The following ZNF521 variants were observed in gnomAD, a reference collection of about 807,000 sequenced individuals.
ZNF521 encodes zinc finger protein 521, also known as LYST-interacting protein 3.
A neutral mutation model predicts 105.5 loss-of-function variants in ZNF521; 14 were observed. That is an observed-to-expected ratio of 0.13 (90% CI 0.09 to 0.21). The LOEUF (loss-of-function observed/expected upper bound fraction) is 0.21, where lower values mean the gene tolerates loss of function less well. ZNF521 is among the 10% of genes least tolerant of loss of function. The pLI, the probability that ZNF521 is intolerant of heterozygous loss-of-function variation, is 1.00. For missense variants in ZNF521, 1,233 were observed against 1,629.7 expected (o/e 0.76, Z 4.19); for synonymous variants, 635 against 606.0 (o/e 1.05, Z -0.70).
intron 5 of ZNF521, among the ~76,000 whole-genome samples, chr18:25,094,224 T>C (rs2033807228): frequency 6.6e-6 from 1 of 152,174 alleles, no homozygotes; most frequent in African/African-American, 2.4e-5. Flanking sequence ...CATTAGGATG[T>C]TCTGTAATGT....
At chr18:25,064,356 G>A (rs987007744) in intron 7 of ZNF521, among the ~76,000 whole-genome samples, 4 of 152,252 alleles carry the variant, frequency 2.6e-5, no homozygotes, top group African/African-American at 9.6e-5. Flanking sequence ...GGAGACATGA[G>A]CAGAGAGTAC....
chr18:25,128,134 T>C (rs936376566), intron 5 of ZNF521, among the ~76,000 whole-genome samples: 5 of 151,846 alleles, frequency 3.3e-5, no homozygotes, highest in African/African-American at 4.8e-5. Flanking sequence ...TATGACCCAG[T>C]GGGATTCTTC....
intron 3 of ZNF521, among the ~76,000 whole-genome samples, chr18:25,311,383 T>TAAAAAAAA (rs34665703): frequency 7.3e-6 from 1 of 137,522 alleles, no homozygotes. Context: ...AGCAAAAATG[T>TAAAAAAAA]AAAAAAAAAA....
At chr18:25,351,025 G>C (rs1269146471) in intron 1 of ZNF521, 78 bp from the exon 2 acceptor site, 7 of 1,225,946 alleles carry the variant, frequency 5.7e-6, no homozygotes, top group African/African-American at 1.6e-5. Flanking sequence ...CGCCCCTCGG[G>C]CCGCGGCGCC....
At chr18:25,273,923 A>G (rs1909858160) in intron 3 of ZNF521, among the ~76,000 whole-genome samples, 1 of 152,180 alleles carries the variant, frequency 6.6e-6, no homozygotes, top group South Asian at 2.1e-4. Context: ...AGAACCACAG[A>G]ACTTCAGGGT....
At chr18:25,275,708 T>C (rs1307552129) in intron 3 of ZNF521, among the ~76,000 whole-genome samples, 1 of 152,182 alleles carries the variant, frequency 6.6e-6, no homozygotes, top group Non-Finnish European at 1.5e-5. Context: ...TGGGCTTTCC[T>C]GCCAAACAAA....
rs1912063576 is a variant in ZNF521 at position 25,307,793 on chromosome 18, AG to A, written c.220+14214del. 2.0e-5 allele frequency among the ~76,000 whole-genome samples: 3 copies of A among 152,178 alleles called. No individual in the cohort carries two copies. In the South Asian group the frequency reaches 6.2e-4, roughly 32 times the overall value. Reference sequence around the variant, plus strand: ...CTGTCTGTCTGTCTGTCTCTCTCAGAGTACTTATTCTGAGAAAAGCCAATTA... The same window carrying A: ...CTGTCTGTCTGTCTGTCTCTCTCAGATACTTATTCTGAGAAAAGCCAATTA... On this transcript the variant is annotated intron_variant, in intron 3 of 7. Transcript: ENST00000361524.
At chr18:25,270,509 T>C (rs1005860969) in intron 3 of ZNF521, among the ~76,000 whole-genome samples, 1 of 152,182 alleles carries the variant, frequency 6.6e-6, no homozygotes, top group Non-Finnish European at 1.5e-5. Context: ...CTGATGAACA[T>C]TGATGCAAAA....
At chr18:25,144,267 G>T (rs2034903268) in intron 5 of ZNF521, among the ~76,000 whole-genome samples, 1 of 152,076 alleles carries the variant, frequency 6.6e-6, no homozygotes, top group Non-Finnish European at 1.5e-5. Flanking sequence ...AAGACATTTT[G>T]CATAATGCTT....
intron 7 of ZNF521, 24 bp downstream of exon 7, chr18:25,089,441 C>T (rs1371880534): frequency 1.9e-6 from 3 of 1,541,452 alleles, no homozygotes; most frequent in Middle Eastern, 1.7e-4. Flanking sequence ...AGTTCAATCC[C>T]AGTCCTCCCC....
chr18:25,287,501 G>T (rs1005245878), intron 3 of ZNF521, among the ~76,000 whole-genome samples: 1 of 151,850 alleles, frequency 6.6e-6, no homozygotes, highest in Non-Finnish European at 1.5e-5. Context: ...ATTGATCCCG[G>T]TGTGACAAAT....
chr18:25,167,942 G>A (rs769934016), intron 5 of ZNF521, among the ~76,000 whole-genome samples: 4 of 152,186 alleles, frequency 2.6e-5, no homozygotes, highest in Non-Finnish European at 5.9e-5. Context: ...TATGTACAAG[G>A]ATGAAAAGGT....
At chr18:25,285,154 T>C (rs1393130771) in intron 3 of ZNF521, among the ~76,000 whole-genome samples, 2 of 152,198 alleles carry the variant, frequency 1.3e-5, no homozygotes, top group African/African-American at 4.8e-5. Flanking sequence ...TATTCTCTTC[T>C]TCCTGGTGTG....
intron 3 of ZNF521, among the ~76,000 whole-genome samples, chr18:25,295,569 C>T (rs1911278031): frequency 1.3e-5 from 2 of 150,802 alleles, no homozygotes; most frequent in African/African-American, 2.4e-5. Context: ...ATCAAAATAT[C>T]TCATTTAACC....
At chr18:25,236,005 C>A (rs2144774910) in intron 3 of ZNF521, among the ~76,000 whole-genome samples, 1 of 152,250 alleles carries the variant, frequency 6.6e-6, no homozygotes, top group African/African-American at 2.4e-5. Context: ...ATGTGTCTAA[C>A]AAATGATAGG....
Position 25,256,329 on chromosome 18 carries a change from T to C in ZNF521, c.221-28632A>G, listed in dbSNP as rs543346603. 2.0e-5 allele frequency among the ~76,000 whole-genome samples: 3 copies of C among 152,188 alleles called. No individual in the cohort carries two copies. In the South Asian group the frequency reaches 6.2e-4, roughly 32 times the overall value. On this transcript the variant is annotated intron_variant, in intron 3 of 7. Transcript: ENST00000361524. ...GCAAGATGAAAAGAGTTCTGGAGAT[T>C]GGCTGCACAAATGATGTGAATGTAC...
At chr18:25,320,570 T>A (rs1383614945) in intron 3 of ZNF521, among the ~76,000 whole-genome samples, 1 of 125,342 alleles carries the variant, frequency 8.0e-6, no homozygotes, top group African/African-American at 2.7e-5. Flanking sequence ...AGAGGTGTGA[T>A]GATGTCTCCA....
Position 25,276,511 on chromosome 18 carries a change from G to T in ZNF521, c.220+45497C>A, listed in dbSNP as rs1305221988. ...CAATGTAAAATATCACTTTAATGCT[G>T]AATACATGGAGACAGAGAAAGAGCT... On this transcript the variant is annotated intron_variant, in intron 3 of 7. Transcript: ENST00000361524. 8.5e-5 allele frequency among the ~76,000 whole-genome samples: 13 copies of T among 152,274 alleles called. No homozygotes were observed. In the South Asian group the frequency reaches 2.3e-3, roughly 27 times the overall value.
intron 3 of ZNF521, among the ~76,000 whole-genome samples, chr18:25,289,354 C>CTGA: frequency 6.6e-6 from 1 of 152,152 alleles, no homozygotes; most frequent in East Asian, 1.9e-4. Context: ...CTCCCCAGTC[C>CTGA]CTTCACATTC....
Sources: allele counts gnomAD v4.1 joint callset (sites outside exome capture counted in the v4.1 genomes callset), GRCh38; gene constraint gnomAD v4.1.1; transcripts MANE v1.5; gene names NCBI Gene and HGNC (gene_info 2026-07-23, HGNC 2026-07-21).